Variants in ATRNL1 observed in about 807,000 individuals in gnomAD.
The protein encoded by ATRNL1 is attractin like 1.
Under a neutral mutation model 182.7 loss-of-function variants are expected in ATRNL1, and 95 were observed. That is an observed-to-expected ratio of 0.52 (90% CI 0.44 to 0.62). The LOEUF (loss-of-function observed/expected upper bound fraction) is 0.62, where lower values mean the gene tolerates loss of function less well. Among genes scored for constraint, ATRNL1 ranks in the 20% least tolerant of loss-of-function variants. The pLI is 0.00. For missense variants in ATRNL1, 1,471 were observed against 1,679.5 expected (o/e 0.88, Z 2.17); for synonymous variants, 576 against 568.3 (o/e 1.01, Z -0.19).
In ATRNL1 at chr10:115,800,514, C is replaced by A. The variant is rs548296225; in HGVS notation, c.3904-47363C>A. On this transcript the variant is annotated intron_variant, in intron 27 of 28. Transcript: ENST00000355044. ...ATGTTACCATCTGTTTTTTTCAACC[C>A]CAGAGGTCTGATTCCCCCGCAGGAA... Among the ~76,000 whole-genome samples the A allele has an allele frequency of 8.6e-5, 13 of 151,792 alleles. No individual in the cohort carries two copies. In the South Asian group the frequency reaches 2.1e-3, roughly 24 times the overall value.
At chr10:115,716,689 A>G (rs1170418427) in intron 26 of ATRNL1, among the ~76,000 whole-genome samples, 1 of 152,146 alleles carries the variant, frequency 6.6e-6, no homozygotes, top group Non-Finnish European at 1.5e-5. Flanking sequence ...GCCTCAAGTC[A>G]TAAATTATTG....
At chr10:115,109,220 A>G (rs1248367493) in intron 1 of ATRNL1, among the ~76,000 whole-genome samples, 1 of 151,360 alleles carries the variant, frequency 6.6e-6, no homozygotes, top group Admixed American at 6.6e-5. Flanking sequence ...TGGCTTCCCT[A>G]TTTTCAGATA....
At chr10:115,379,939 G>A (rs1325995188) in intron 19 of ATRNL1, among the ~76,000 whole-genome samples, 3 of 152,060 alleles carry the variant, frequency 2.0e-5, no homozygotes, top group South Asian at 2.1e-4. Flanking sequence ...CCCTTCTCTC[G>A]CCTCAGCCTC....
intron 8 of ATRNL1, among the ~76,000 whole-genome samples, chr10:115,193,931 T>A (rs1554890451): frequency 6.6e-6 from 1 of 152,036 alleles, no homozygotes; most frequent in Non-Finnish European, 1.5e-5. Flanking sequence ...AATTTTAAAA[T>A]TTTCTTCTGA....
At chr10:115,217,441 T>C (rs1373353925) in intron 9 of ATRNL1, among the ~76,000 whole-genome samples, 7 of 152,110 alleles carry the variant, frequency 4.6e-5, no homozygotes, top group African/African-American at 1.7e-4. Flanking sequence ...ATAACTTCTG[T>C]ATGAAGGAGG....
At position 115,267,012 on chromosome 10, in the gene ATRNL1, T is replaced by C; in HGVS notation, c.1981+7T>C. 6.3e-7 allele frequency: 1 copy of C among 1,580,484 alleles called. No individual in the cohort carries two copies. The highest frequency in any genetic ancestry group is 8.6e-7 in the Non-Finnish European group (1 of 1,156,538). ...AAGTGCCCTCCTAAAACAGGTAAAT[T>C]TCTTTTTCTTTTCGTCTTTGTGGCA... On this transcript the variant is annotated splice_region_variant and intron_variant, in intron 12 of 28. Transcript: ENST00000355044.
intron 15 of ATRNL1, among the ~76,000 whole-genome samples, chr10:115,296,853 G>T (rs1853219549): frequency 6.6e-6 from 1 of 152,136 alleles, no homozygotes; most frequent in Non-Finnish European, 1.5e-5. Flanking sequence ...AGTGTACTTG[G>T]CAATCTACTG....
intron 11 of ATRNL1, among the ~76,000 whole-genome samples, chr10:115,266,055 C>A (rs1554910592): frequency 1.3e-5 from 2 of 151,764 alleles, no homozygotes; most frequent in African/African-American, 4.8e-5. Flanking sequence ...AAACATAAAA[C>A]CTCCAGGGTT....
At chr10:115,897,635 A>T (rs1408858281) in intron 28 of ATRNL1, among the ~76,000 whole-genome samples, 1 of 152,016 alleles carries the variant, frequency 6.6e-6, no homozygotes, top group African/African-American at 2.4e-5. Flanking sequence ...AGGGACAGGC[A>T]CTCTCGGCTC....
At chr10:115,130,113 G>A (rs1475095919) in intron 5 of ATRNL1, among the ~76,000 whole-genome samples, 19 of 152,058 alleles carry the variant, frequency 1.2e-4, no homozygotes, top group African/African-American at 4.6e-4. Flanking sequence ...CTACAGTGAA[G>A]AATGTTGGCT....
chr10:115,495,917 G>A (rs782494518), intron 24 of ATRNL1, among the ~76,000 whole-genome samples: 2 of 152,024 alleles, frequency 1.3e-5, no homozygotes, highest in Non-Finnish European at 2.9e-5. Context: ...ATTGCCATTG[G>A]GATGTTGACA....
At chr10:115,399,394 T>G (rs782244908) in intron 20 of ATRNL1, among the ~76,000 whole-genome samples, 1 of 152,108 alleles carries the variant, frequency 6.6e-6, no homozygotes, top group Admixed American at 6.6e-5. Flanking sequence ...CCTGGTTCAG[T>G]CTTGGGAGGG....
intron 26 of ATRNL1, among the ~76,000 whole-genome samples, chr10:115,575,841 T>C (rs35104556): frequency 0.16 from 24,833 of 151,980 alleles, 2,541 homozygotes; most frequent in South Asian, 0.24. Flanking sequence ...ATCAGATCTC[T>C]ATAATTAGTC....
chr10:115,108,989 T>C (rs1160739466), intron 1 of ATRNL1, among the ~76,000 whole-genome samples: 1 of 152,136 alleles, frequency 6.6e-6, no homozygotes, highest in Non-Finnish European at 1.5e-5. Context: ...CTCCTTTCTG[T>C]CTGAGATCTC....
chr10:115,730,786 T>G (rs1177827514), intron 27 of ATRNL1, among the ~76,000 whole-genome samples: 3 of 152,036 alleles, frequency 2.0e-5, no homozygotes, highest in Non-Finnish European at 4.4e-5. Flanking sequence ...AGGAGATATA[T>G]AGTTGTGTAT....
At chr10:115,802,021 A>AACACACACACACACACACACACAC (rs60513803) in intron 27 of ATRNL1, among the ~76,000 whole-genome samples, 9,147 of 125,592 alleles carry the variant, frequency 0.073, 519 homozygotes, top group Non-Finnish European at 0.094. Context: ...AAAAAAAAGA[A>AACACACACACACACACACACACAC]ACACACACAC....
intron 7 of ATRNL1, among the ~76,000 whole-genome samples, chr10:115,168,313 A>G (rs1448204241): frequency 1.3e-5 from 2 of 152,212 alleles, no homozygotes; most frequent in East Asian, 3.9e-4. Context: ...TTGTCTGGAC[A>G]TATGTTTTCA....
intron 10 of ATRNL1, among the ~76,000 whole-genome samples, chr10:115,260,355 T>G (rs1554908455): frequency 6.6e-6 from 1 of 152,162 alleles, no homozygotes; most frequent in Non-Finnish European, 1.5e-5. Flanking sequence ...GATTTATGGT[T>G]TCCAGGCAGG....
At chr10:115,657,049 A>G (rs1429425608) in intron 26 of ATRNL1, among the ~76,000 whole-genome samples, 2 of 152,198 alleles carry the variant, frequency 1.3e-5, no homozygotes, top group Non-Finnish European at 2.9e-5. Context: ...AGCCTGCAGT[A>G]AAGTTGGTTT....
Sources: allele counts gnomAD v4.1 joint callset (sites outside exome capture counted in the v4.1 genomes callset), GRCh38; gene constraint gnomAD v4.1.1; transcripts MANE v1.5; gene names NCBI Gene and HGNC (gene_info 2026-07-23, HGNC 2026-07-21).